SGCZ: variants seen among roughly 807,000 people sequenced by gnomAD.
The protein encoded by SGCZ is zeta-sarcoglycan.
A neutral mutation model predicts 41.3 loss-of-function variants in SGCZ; 40 were observed. The ratio of observed to expected loss-of-function variants is 0.97; its 90% CI spans 0.75 to 1.26. SGCZ has a LOEUF of 1.26. Ranked by LOEUF, SGCZ falls within the 50% of genes most tolerant of loss-of-function variation. The pLI, the probability that SGCZ is intolerant of heterozygous loss-of-function variation, is 0.00. For synonymous variants in SGCZ, 206 were observed against 137.5 expected, an observed-to-expected ratio of 1.50 and a Z score of -3.49; for missense variants, 552 against 369.8, an observed-to-expected ratio of 1.49 and a Z score of -4.04.
intron 5 of SGCZ, among the ~76,000 whole-genome samples, chr8:14,153,550 T>C (rs1803778242): frequency 6.6e-6 from 1 of 152,070 alleles, no homozygotes; most frequent in African/African-American, 2.4e-5. Context: ...AGAAATAAAA[T>C]GGACCCAAAC....
At chr8:14,834,817 G>C (rs1175835413) in intron 1 of SGCZ, among the ~76,000 whole-genome samples, 1 of 152,148 alleles carries the variant, frequency 6.6e-6, no homozygotes, top group Non-Finnish European at 1.5e-5. Flanking sequence ...AAGGGACTCG[G>C]ATACTGATTT....
intron 1 of SGCZ, among the ~76,000 whole-genome samples, chr8:14,822,109 C>CACAT (rs3220314): frequency 6.7e-6 from 1 of 149,396 alleles, no homozygotes; most frequent in Non-Finnish European, 1.5e-5. Context: ...CACACACACA[C>CACAT]GGTTAGAACT....
chr8:14,536,964 G>A (rs2117140057), intron 2 of SGCZ, among the ~76,000 whole-genome samples: 1 of 152,020 alleles, frequency 6.6e-6, no homozygotes, highest in African/African-American at 2.4e-5. Flanking sequence ...CTATAAAAAG[G>A]AAATTCAAAA....
chr8:14,596,326 T>A (rs912375249), intron 1 of SGCZ, among the ~76,000 whole-genome samples: 1 of 152,166 alleles, frequency 6.6e-6, no homozygotes, highest in African/African-American at 2.4e-5. Flanking sequence ...CCATAGATGA[T>A]GTCTCAGAGC....
At chr8:14,299,712 AT>A (rs1384049663) in intron 3 of SGCZ, among the ~76,000 whole-genome samples, 1 of 151,944 alleles carries the variant, frequency 6.6e-6, no homozygotes, top group Non-Finnish European at 1.5e-5. Flanking sequence ...TGCTGGTAGT[AT>A]TGTACCAAAT....
chr8:14,988,867 C>T (rs1220409584), intron 1 of SGCZ, among the ~76,000 whole-genome samples: 1 of 152,120 alleles, frequency 6.6e-6, no homozygotes, highest in Non-Finnish European at 1.5e-5. Context: ...TTTAAAGTTG[C>T]CCCACTGGCC....
intron 1 of SGCZ, among the ~76,000 whole-genome samples, chr8:14,958,061 T>C (rs1800847608): frequency 6.6e-6 from 1 of 152,124 alleles, no homozygotes; most frequent in African/African-American, 2.4e-5. Context: ...ATCTCTATTT[T>C]AGCATTTTAC....
At chr8:14,487,321 T>G (rs566105011) in intron 2 of SGCZ, among the ~76,000 whole-genome samples, 7 of 152,138 alleles carry the variant, frequency 4.6e-5, no homozygotes, top group Non-Finnish European at 7.4e-5. Flanking sequence ...TACTTGCAAG[T>G]ATGTTGATTT....
intron 4 of SGCZ, among the ~76,000 whole-genome samples, chr8:14,222,164 GTTTT>G (rs916105308): frequency 6.6e-6 from 1 of 151,802 alleles, no homozygotes. Context: ...TGTTGTTGCT[GTTTT>G]TTTGTTTTGT....
At chr8:14,839,646 T>C (rs1237930929) in intron 1 of SGCZ, among the ~76,000 whole-genome samples, 1 of 152,200 alleles carries the variant, frequency 6.6e-6, no homozygotes, top group African/African-American at 2.4e-5. Flanking sequence ...CTCCCTGATA[T>C]ACTGTAGTTT....
At chr8:15,204,443 AC>A (rs1005079613) in intron 1 of SGCZ, among the ~76,000 whole-genome samples, 2 of 152,144 alleles carry the variant, frequency 1.3e-5, no homozygotes, top group African/African-American at 4.8e-5. Flanking sequence ...TTTATCACCC[AC>A]CCACCAATAA....
chr8:14,518,532 T>C (rs901563420), intron 2 of SGCZ, among the ~76,000 whole-genome samples: 24 of 152,160 alleles, frequency 1.6e-4, no homozygotes, highest in African/African-American at 5.5e-4. Context: ...TCAGTTAATA[T>C]ACATTAAAAT....
At chr8:15,163,181 T>A (rs1293064002) in intron 1 of SGCZ, among the ~76,000 whole-genome samples, 1 of 152,236 alleles carries the variant, frequency 6.6e-6, no homozygotes, top group Non-Finnish European at 1.5e-5. Context: ...AGCCATTCTT[T>A]GTTACTGGCT....
chr8:14,623,086 T>C (rs777742691), intron 1 of SGCZ, among the ~76,000 whole-genome samples: 3 of 152,172 alleles, frequency 2.0e-5, no homozygotes, highest in Non-Finnish European at 4.4e-5. Context: ...ATGGGTCTAA[T>C]TAGAAAACAA....
intron 2 of SGCZ, among the ~76,000 whole-genome samples, chr8:14,330,302 G>A (rs757951842): frequency 2.8e-4 from 42 of 151,876 alleles, no homozygotes; most frequent in Non-Finnish European, 5.3e-4. Flanking sequence ...CTTGATTGTT[G>A]AATTGAATAG....
chr8:15,137,640 G>A (rs747712588), intron 1 of SGCZ, among the ~76,000 whole-genome samples: 26 of 147,824 alleles, frequency 1.8e-4, no homozygotes, highest in Non-Finnish European at 3.6e-4. Context: ...ACTTCAGAGG[G>A]TGCAATCCCC....
chr8:14,280,732 G>A (rs551843965), intron 3 of SGCZ, among the ~76,000 whole-genome samples: 10 of 151,460 alleles, frequency 6.6e-5, no homozygotes, highest in South Asian at 2.1e-4. Flanking sequence ...TCTTTCAAAC[G>A]AGGAAGTTAT....
At chr8:15,038,012 T>A (rs1803932536) in intron 1 of SGCZ, among the ~76,000 whole-genome samples, 1 of 152,062 alleles carries the variant, frequency 6.6e-6, no homozygotes, top group South Asian at 2.1e-4. Flanking sequence ...ATTAATATGG[T>A]TAAAATGTCC....
chr8:14,870,448 A>G (rs946409040), intron 1 of SGCZ, among the ~76,000 whole-genome samples: 2 of 152,226 alleles, frequency 1.3e-5, no homozygotes, highest in Admixed American at 6.5e-5. Context: ...AGTAAGATTA[A>G]GGACTTAAAC....
Sources: gnomAD v4.1 joint callset for allele counts (sites outside exome capture counted in the v4.1 genomes callset) on GRCh38, gnomAD v4.1.1 for gene constraint, MANE v1.5 for transcripts, NCBI Gene and HGNC (gene_info 2026-07-23, HGNC 2026-07-21) for gene names.